TRPM6: variants seen among roughly 807,000 people sequenced by gnomAD.
The protein encoded by TRPM6 is channel kinase 2.
Under a neutral mutation model 247.6 loss-of-function variants are expected in TRPM6, and 111 were observed. The observed-to-expected ratio is 0.45, with a 90% CI of 0.38 to 0.52. The LOEUF is 0.52. TRPM6 is among the 20% of genes least tolerant of loss of function. TRPM6 has a pLI of 0.00. For missense variants in TRPM6, 2,126 were observed against 2,421.5 expected (o/e 0.88, Z 2.56); for synonymous variants, 892 against 853.8 (o/e 1.04, Z -0.78).
chr9:74,838,535 T>G (rs983881320), intron 5 of TRPM6, among the ~76,000 whole-genome samples: 61 of 152,262 alleles, frequency 4.0e-4, no homozygotes, highest in African/African-American at 1.4e-3. Context: ...CTTAGGCAGA[T>G]GCTCAGGCCC....
At position 74,724,414 on chromosome 9, in the gene TRPM6, G is replaced by C; in HGVS notation, c.*199C>G. 1 of 669,214 alleles carries C rather than the reference G, an allele frequency of 1.5e-6. No individual in the cohort carries two copies. Among genetic ancestry groups the C allele is most frequent in the Admixed American group, 2.7e-5 (1 of 37,094 alleles). The allele number at this position is 669,214 out of a possible 1,614,324, so 41.5% of individuals were successfully genotyped here. A position where few individuals can be genotyped will look rare whatever the true frequency, so the allele number is the denominator to read the frequency against. The stretch of plus-strand genomic sequence containing the variant: ...TGGAACTTGAGGATGGAGCTGCAAA[G>C]TGCCCTGGACAGAGGTCAGTGTCTA... On this transcript the variant is annotated 3_prime_UTR_variant, in exon 39 of 39. Coordinates refer to ENST00000360774, the MANE Select transcript of TRPM6 (RefSeq NM_017662.5).
chr9:74,785,808 C>T (rs570289725), intron 21 of TRPM6, 66 bp downstream of exon 21: 8 of 1,574,972 alleles, frequency 5.1e-6, no homozygotes, highest in East Asian at 2.2e-5. Context: ...CAGGTGTGAG[C>T]CACCACACCT....
intron 9 of TRPM6, among the ~76,000 whole-genome samples, chr9:74,817,490 G>C (rs931051171): frequency 6.6e-6 from 1 of 152,110 alleles, no homozygotes; most frequent in African/African-American, 2.4e-5. Flanking sequence ...CGCCCAGCCA[G>C]ACTTGCTTTT....
chr9:74,752,610 C>T (rs546467706), intron 28 of TRPM6, among the ~76,000 whole-genome samples: 1 of 152,312 alleles, frequency 6.6e-6, no homozygotes, highest in African/African-American at 2.4e-5. Context: ...ACTTACACTT[C>T]TCTATTGAAG....
intron 24 of TRPM6, among the ~76,000 whole-genome samples, chr9:74,772,693 T>C (rs1022030923): frequency 1.3e-5 from 2 of 151,988 alleles, no homozygotes; most frequent in South Asian, 4.1e-4. Context: ...AAATGTATAA[T>C]CAATTAATTT....
At chr9:74,802,851 A>C (rs535238448) in intron 15 of TRPM6, among the ~76,000 whole-genome samples, 1 of 152,054 alleles carries the variant, frequency 6.6e-6, no homozygotes, top group Non-Finnish European at 1.5e-5. Flanking sequence ...CTACCTCCTC[A>C]CATAATCCTG....
chr9:74,783,187 T>TA lies in TRPM6; in HGVS notation c.2920-335dup, dbSNP rs59909667. On this transcript the variant is annotated intron_variant, in intron 21 of 38. Coordinates refer to ENST00000360774, the MANE Select transcript of TRPM6 (RefSeq NM_017662.5). Reference sequence around the variant, plus strand: ...CCAGTTGGACCATAGGTTAGGAAAATAAAAAAAAAAAAATAGGGTATTGTT... The same window carrying TA: ...CCAGTTGGACCATAGGTTAGGAAAATAAAAAAAAAAAAAATAGGGTATTGTT... Among the ~76,000 whole-genome samples, 720 of 147,014 alleles carry TA rather than the reference T, an allele frequency of 4.9e-3. 2 individuals carry two copies. Among genetic ancestry groups the TA allele is most frequent in the Non-Finnish European group, 7.6e-3 (506 of 66,296 alleles).
At position 74,761,783 on chromosome 9, in the gene TRPM6, C is replaced by A. The variant is rs542601704; in HGVS notation, c.4698G>T (p.Gly1566=). The part of the protein sequence containing the change: ...IKNLSGSSEI[G]QGAWVKAKML... ...TTTTCGCTTTGACCCATGCTCCCTG[C>A]CCTATTTCTGAAGAGCCTGAAAGAT... The change falls in exon 27 of 39, where the codon GGG becomes GGT. Residue 1566 remains glycine (G), a synonymous_variant. Coordinates refer to ENST00000360774, the MANE Select transcript of TRPM6 (RefSeq NM_017662.5). The A allele has an allele frequency of 2.5e-6, 4 of 1,613,866 alleles. No homozygotes were observed. Among genetic ancestry groups the A allele is most frequent in the Non-Finnish European group, 3.4e-6 (4 of 1,179,836 alleles).
chr9:74,788,512 T>C, intron 20 of TRPM6, 102 bp downstream of exon 20: 3 of 1,423,420 alleles, frequency 2.1e-6, no homozygotes. Context: ...TCCCCCACCC[T>C]TGACATGTCC....
At chr9:74,851,745 T>A (rs1830320081) in intron 3 of TRPM6, among the ~76,000 whole-genome samples, 1 of 139,066 alleles carries the variant, frequency 7.2e-6, no homozygotes, top group African/African-American at 2.8e-5. Context: ...CTAGACTTTG[T>A]CTCAAAAAAA....
intron 9 of TRPM6, among the ~76,000 whole-genome samples, chr9:74,817,615 G>A (rs978206621): frequency 6.6e-6 from 1 of 152,162 alleles, no homozygotes; most frequent in Non-Finnish European, 1.5e-5. Flanking sequence ...TTAAAGACAA[G>A]TAAGTTCGTT....
intron 1 of TRPM6, chr9:74,887,301 C>T: frequency 1.5e-6 from 2 of 1,370,844 alleles, no homozygotes; most frequent in Non-Finnish European, 1.9e-6. Context: ...CGCGCAGGGG[C>T]GCGGAGGGAC....
At chr9:74,810,191 A>G (rs1331551855) in intron 13 of TRPM6, among the ~76,000 whole-genome samples, 3 of 152,164 alleles carry the variant, frequency 2.0e-5, no homozygotes, top group African/African-American at 7.2e-5. Context: ...GATAAAAGTC[A>G]CTGGTAATGG....
At chr9:74,765,126 T>C (rs1052170678) in intron 25 of TRPM6, among the ~76,000 whole-genome samples, 1 of 152,214 alleles carries the variant, frequency 6.6e-6, no homozygotes, top group African/African-American at 2.4e-5. Flanking sequence ...ATATGTTTGT[T>C]ATATTGTGAG....
intron 7 of TRPM6, among the ~76,000 whole-genome samples, chr9:74,824,492 T>C (rs1275441842): frequency 1.6e-5 from 1 of 62,002 alleles, no homozygotes; most frequent in East Asian, 6.9e-4. Context: ...CAAAATCAAA[T>C]ATATTTATGG....
intron 38 of TRPM6, among the ~76,000 whole-genome samples, chr9:74,725,979 G>C (rs1563984866): frequency 6.6e-6 from 1 of 152,180 alleles, no homozygotes. Flanking sequence ...TCTGGCTACA[G>C]AGCCTATGCC....
intron 3 of TRPM6, among the ~76,000 whole-genome samples, chr9:74,844,187 C>G (rs1302414561): frequency 6.6e-6 from 1 of 152,158 alleles, no homozygotes; most frequent in Non-Finnish European, 1.5e-5. Context: ...CACAAAGTCA[C>G]CAGCACAGAT....
intron 13 of TRPM6, 96 bp from the exon 14 acceptor site, chr9:74,808,270 G>T: frequency 6.9e-7 from 1 of 1,458,494 alleles, no homozygotes; most frequent in Non-Finnish European, 9.6e-7. Flanking sequence ...ATTGCAAGAA[G>T]GTAGACATAC....
At chr9:74,800,902 G>GT (rs5898380) in intron 16 of TRPM6, among the ~76,000 whole-genome samples, 30,654 of 126,646 alleles carry the variant, frequency 0.24, 3,846 homozygotes, top group African/African-American at 0.3. Flanking sequence ...CTAATAAAGT[G>GT]TGTTTTTTTT....
Sources: gnomAD v4.1 joint callset for allele counts (sites outside exome capture counted in the v4.1 genomes callset) on GRCh38, gnomAD v4.1.1 for gene constraint, MANE v1.5 for transcripts, NCBI Gene and HGNC (gene_info 2026-07-23, HGNC 2026-07-21) for gene names.